The following ADNP variants were observed in gnomAD, a reference collection of about 807,000 sequenced individuals.
ADNP encodes activity dependent neuroprotector homeobox, also known as activity-dependent neuroprotector homeobox protein.
A neutral mutation model predicts 84.9 loss-of-function variants in ADNP; 4 were observed. That is an observed-to-expected ratio of 0.05 (90% CI 0.02 to 0.11). The LOEUF (loss-of-function observed/expected upper bound fraction) is 0.11. ADNP is among the 10% of genes least tolerant of loss of function. The pLI, the probability that ADNP is intolerant of heterozygous loss-of-function variation, is 1.00. For missense variants in ADNP, 1,132 were observed against 1,326.0 expected (o/e 0.85, Z 2.27); for synonymous variants, 554 against 468.1 (o/e 1.18, Z -2.37).
At chr20:50,920,343 G>A (rs1472902329) in intron 2 of ADNP, among the ~76,000 whole-genome samples, 1 of 151,356 alleles carries the variant, frequency 6.6e-6, no homozygotes, top group Non-Finnish European at 1.5e-5. Flanking sequence ...CACTTTGGGA[G>A]GCCAAGGCAG....
chr20:50,895,989 C>T (rs1396609646), intron 5 of ADNP, among the ~76,000 whole-genome samples: 1 of 152,124 alleles, frequency 6.6e-6, no homozygotes, highest in Non-Finnish European at 1.5e-5. Flanking sequence ...CTTTGGGAGG[C>T]CCAGGCGGGT....
rs1980979501 is a variant in ADNP, at chr20:50,893,120, G to A, written c.1594C>T (p.Arg532Trp). The change falls in exon 6 of 6, where the codon CGG becomes TGG. Residue 532 changes from arginine (R) to tryptophan (W), a missense_variant. Arg to Trp is a moderately radical substitution (Grantham distance 101). Transcript: ENST00000621696. This position sits in a 1 kb window ranked among gnomAD's most constrained non-coding sequence, Gnocchi z 4.4. Reference sequence around the variant, plus strand: ...ATCTCTTCATCAATGTGAACCATCCGCATGTGTGCGGCCATCTTTTCCACA... The same window carrying A: ...ATCTCTTCATCAATGTGAACCATCCACATGTGTGCGGCCATCTTTTCCACA... ...NDVEKMAAHM[R>W]MVHIDEEMGP... 6 of 1,614,208 alleles carry A rather than the reference G, an allele frequency of 3.7e-6. No homozygotes were observed. The highest frequency in any genetic ancestry group is 5.1e-6 in the Non-Finnish European group (6 of 1,180,042).
In ADNP at chr20:50,893,738, G is replaced by T; in HGVS notation, c.976C>A (p.His326Asn). The T allele has an allele frequency of 6.2e-7, 1 of 1,614,090 alleles. No homozygotes were observed. Among genetic ancestry groups the T allele is most frequent in the South Asian group, 1.1e-5 (1 of 91,054 alleles). Residue 326 changes from histidine to asparagine, a missense_variant, in exon 6 of 6, where the codon CAT becomes AAT. This residue lies in a region of ADNP where 239 missense variants were observed against 213.2 expected (regional missense o/e 1.12). Coordinates refer to ENST00000621696, the MANE Select transcript of ADNP (RefSeq NM_001282531.3). This position sits in a 1 kb window ranked among gnomAD's most constrained non-coding sequence, Gnocchi z 4.4. ...STGVNMMSSV[H>N]LQQNNYGVKS... The stretch of plus-strand genomic sequence containing the variant: ...ACTCCATAGTTGTTCTGCTGCAGAT[G>T]AACACTGGACATCATGTTGACTCCT...
At chr20:50,923,881 G>C (rs2050212) in intron 2 of ADNP, among the ~76,000 whole-genome samples, 10,891 of 152,190 alleles carry the variant, frequency 0.072, 935 homozygotes, top group African/African-American at 0.21. Flanking sequence ...CTTGCATTTG[G>C]ATACTCCCAG....
chr20:50,924,103 G>A (rs2122992906), intron 2 of ADNP, among the ~76,000 whole-genome samples: 1 of 152,284 alleles, frequency 6.6e-6, no homozygotes, highest in African/African-American at 2.4e-5. Context: ...GCTCTTAAAT[G>A]GAGCATGAAG....
rs1049524319 is a variant in ADNP, at chr20:50,889,724, G to A, written c.*1681C>T. 3 of 394,510 alleles carry A rather than the reference G, an allele frequency of 7.6e-6. No homozygotes were observed. Among genetic ancestry groups the A allele is most frequent in the African/African-American group, 6.2e-5 (3 of 48,522 alleles). The allele number at this position is 394,510 out of a possible 1,614,324, so 24.4% of individuals were successfully genotyped here. ...TTTCCCATCATTGTTTTAATTGCTG[G>A]AAATGTTGGCCTAATTCTGCTTCCT... On this transcript the variant is annotated 3_prime_UTR_variant, in exon 6 of 6. Transcript: ENST00000621696.
rs1980626349 is a variant in ADNP at position 50,890,907 on chromosome 20, G to C, written c.*498C>G. On this transcript the variant is annotated 3_prime_UTR_variant, in exon 6 of 6. Transcript: ENST00000621696. ...ATCTATGATGGGCACACAGTAACAG[G>C]ATCATGAGCATCACTTGAATAGGTC... The C allele has an allele frequency of 1.0e-6, 1 of 983,114 alleles. No individual in the cohort carries two copies. The highest frequency in any genetic ancestry group is 6.1e-5 in the Admixed American group (1 of 16,266). 60.9% of individuals were successfully genotyped at this position (983,114 alleles called of 1,614,324 possible). A position where few individuals can be genotyped will look rare whatever the true frequency, so the allele number is the denominator to read the frequency against.
intron 2 of ADNP, chr20:50,909,885 A>G (rs1270955007): frequency 1.3e-5 from 2 of 152,246 alleles, no homozygotes; most frequent in Admixed American, 1.3e-4. Context: ...CTGCCATCAC[A>G]TGAAGGAAGC....
chr20:50,930,695 C>G (rs1467074429), intron 1 of ADNP, 131 bp downstream of exon 1: 2 of 152,400 alleles, frequency 1.3e-5, no homozygotes, highest in African/African-American at 4.8e-5. Context: ...GTGTGTGCGG[C>G]TGGAGGGCGG....
intron 2 of ADNP, among the ~76,000 whole-genome samples, chr20:50,916,677 T>C (rs1437206487): frequency 6.6e-6 from 1 of 152,236 alleles, no homozygotes; most frequent in Non-Finnish European, 1.5e-5. Context: ...TTTGTGTCAG[T>C]GGCATCCACT....
intron 2 of ADNP, among the ~76,000 whole-genome samples, chr20:50,925,263 TACACACAC>T (rs57985341): frequency 1.6e-4 from 24 of 149,096 alleles, no homozygotes; most frequent in South Asian, 6.4e-4. Context: ...TGACTTCCTA[TACACACAC>T]ACACACACAC....
rs1013113007 is a variant in ADNP, at chr20:50,930,818, G to T, written c.-265+8C>A. ...CCGCGGGTCCGCGCGCGGCGGCGCC[G>T]GGCTTACCTTGACTCGGCCTCGAGG... On this transcript the variant is annotated splice_region_variant and intron_variant, in intron 1 of 5. Transcript: ENST00000621696. The T allele has an allele frequency of 6.7e-6, 1 of 148,200 alleles. No homozygotes were observed. The highest frequency in any genetic ancestry group is 1.5e-5 in the Non-Finnish European group (1 of 66,366). The allele number at this position is 148,200 out of a possible 1,614,324, so 9.2% of individuals were successfully genotyped here. A position where few individuals can be genotyped will look rare whatever the true frequency, so the allele number is the denominator to read the frequency against.
intron 2 of ADNP, among the ~76,000 whole-genome samples, chr20:50,919,080 C>T (rs993060703): frequency 1.1e-4 from 17 of 152,038 alleles, no homozygotes; most frequent in African/African-American, 4.1e-4. Flanking sequence ...TTTATGTCTA[C>T]AAATTATTAT....
At chr20:50,915,740 C>G (rs1369992932) in intron 2 of ADNP, among the ~76,000 whole-genome samples, 2 of 152,112 alleles carry the variant, frequency 1.3e-5, no homozygotes, top group African/African-American at 4.8e-5. Flanking sequence ...AGTTTAGTAT[C>G]CTCTTTCCTT....
At chr20:50,918,093 G>A (rs527789432) in intron 2 of ADNP, among the ~76,000 whole-genome samples, 82 of 152,188 alleles carry the variant, frequency 5.4e-4, no homozygotes, top group African/African-American at 1.8e-3. Context: ...TAGAGTTTCA[G>A]TTCTGCAAGA....
At chr20:50,910,773 G>C (rs560220546) in intron 2 of ADNP, among the ~76,000 whole-genome samples, 1 of 152,212 alleles carries the variant, frequency 6.6e-6, no homozygotes, top group African/African-American at 2.4e-5. Context: ...TTCTGCCTCA[G>C]CCTCGCAAGT....
chr20:50,907,900 G>A (rs1982645584), intron 2 of ADNP, among the ~76,000 whole-genome samples: 1 of 152,242 alleles, frequency 6.6e-6, no homozygotes, highest in African/African-American at 2.4e-5. Flanking sequence ...GCCTGGCCAG[G>A]AATGTATGTT....
chr20:50,913,276 AAAAAAAAAAAAAG>A (rs1983223350), intron 2 of ADNP, among the ~76,000 whole-genome samples: 3 of 142,318 alleles, frequency 2.1e-5, no homozygotes, highest in African/African-American at 8.2e-5. Flanking sequence ...AAAAAAAAAA[AAAAAAAAAAAAAG>A]GTATCTGTAT....
chr20:50,923,039 GAGA>G (rs919404781), intron 2 of ADNP, among the ~76,000 whole-genome samples: 1 of 152,066 alleles, frequency 6.6e-6, no homozygotes, highest in Non-Finnish European at 1.5e-5. Flanking sequence ...AGGAGAGCAG[GAGA>G]AGATCAGAGA....
Sources: gnomAD v4.1 joint callset for allele counts (sites outside exome capture counted in the v4.1 genomes callset) on GRCh38, gnomAD v4.1.1 for gene constraint, gnomAD v4.1.1 regional missense constraint, Gnocchi (gnomAD v3.1) non-coding constraint, MANE v1.5 for transcripts, NCBI Gene and HGNC (gene_info 2026-07-23, HGNC 2026-07-21) for gene names.